The following CLNK variants were observed in gnomAD, a reference collection of about 807,000 sequenced individuals.
CLNK encodes cytokine-dependent hematopoietic cell linker.
CLNK carries 74 observed loss-of-function variants against 68.6 expected under a neutral mutation model. The observed-to-expected ratio is 1.08, with a 90% CI of 0.89 to 1.31. CLNK has a LOEUF of 1.31. Ranked by LOEUF, CLNK falls within the 50% of genes most tolerant of loss-of-function variation. The pLI, the probability that CLNK is intolerant of heterozygous loss-of-function variation, is 0.00. For missense variants in CLNK, 553 were observed against 515.3 expected (o/e 1.07, Z -0.71); for synonymous variants, 198 against 172.2 (o/e 1.15, Z -1.17).
intron 18 of CLNK, among the ~76,000 whole-genome samples, chr4:10,494,377 A>G (rs918022425): frequency 2.0e-5 from 3 of 152,198 alleles, no homozygotes; most frequent in Non-Finnish European, 2.9e-5. Context: ...AATCTGCTAC[A>G]TGGATGACAT....
At chr4:10,552,871 A>G (rs563626449) in intron 8 of CLNK, among the ~76,000 whole-genome samples, 1 of 152,316 alleles carries the variant, frequency 6.6e-6, no homozygotes, top group East Asian at 1.9e-4. Flanking sequence ...TTCATCCTGC[A>G]TTATAATCTT....
chr4:10,663,646 A>G (rs1055355268), intron 2 of CLNK, among the ~76,000 whole-genome samples: 2 of 152,210 alleles, frequency 1.3e-5, no homozygotes, highest in African/African-American at 2.4e-5. Flanking sequence ...ACATGTACAT[A>G]TACAATATAT....
intron 3 of CLNK, among the ~76,000 whole-genome samples, chr4:10,586,561 C>T (rs1023993667): frequency 2.0e-5 from 3 of 152,064 alleles, no homozygotes; most frequent in African/African-American, 7.2e-5. Context: ...GATCCACCCA[C>T]CTCGGCCTCC....
intron 8 of CLNK, among the ~76,000 whole-genome samples, chr4:10,543,007 A>C (rs16869696): frequency 0.039 from 5,949 of 152,202 alleles, 343 homozygotes; most frequent in African/African-American, 0.13. Flanking sequence ...GCACTGGGGA[A>C]AAAAGACAAA....
chr4:10,616,736 T>G (rs1722240290), intron 2 of CLNK, among the ~76,000 whole-genome samples: 2 of 151,034 alleles, frequency 1.3e-5, no homozygotes, highest in Non-Finnish European at 1.5e-5. Context: ...ACTATACAAC[T>G]TTTATACCAG....
chr4:10,732,008 A>C, the CLNK span, among the ~76,000 whole-genome samples: 1 of 152,226 alleles, frequency 6.6e-6, no homozygotes, highest in African/African-American at 2.4e-5. Context: ...GGCTGATTTC[A>C]AGCAATCAAT....
chr4:10,637,210 GCAAATAGTTC>G (rs1723124669), intron 2 of CLNK, among the ~76,000 whole-genome samples: 1 of 152,192 alleles, frequency 6.6e-6, no homozygotes, highest in Admixed American at 6.5e-5. Context: ...GCAAGGCCAT[GCAAATAGTTC>G]CAGACAATGG....
chr4:10,723,919 A>AGAGAGAGAGAGAGCG, the CLNK span, among the ~76,000 whole-genome samples: 1 of 148,032 alleles, frequency 6.8e-6, no homozygotes. Flanking sequence ...AGAGAGAGAG[A>AGAGAGAGAGAGAGCG]AGGCAGGGCA....
intron 13 of CLNK, among the ~76,000 whole-genome samples, chr4:10,527,810 G>C (rs534930629): frequency 6.6e-6 from 1 of 152,320 alleles, no homozygotes; most frequent in South Asian, 2.1e-4. Flanking sequence ...GAGGGTGACA[G>C]TGTAATGCCT....
rs78276689 is a variant in CLNK at position 10,665,783 on chromosome 4, G to T, written c.11+2076C>A. 2.5e-3 allele frequency among the ~76,000 whole-genome samples: 381 copies of T among 152,164 alleles called. 3 individuals are homozygous for T. Among genetic ancestry groups the T allele is most frequent in the Middle Eastern group, 0.01 (3 of 294 alleles). ...AGACATTTCAAAGCCATCCCACGTT[G>T]CCCCTGAAGAGGGGAGTGAGTGTGA... is the stretch of plus-strand genomic sequence containing the variant. On this transcript the variant is annotated intron_variant, in intron 2 of 18. Coordinates refer to ENST00000226951, the MANE Select transcript of CLNK (RefSeq NM_052964.4).
Position 10,548,862 on chromosome 4 carries a change from T to A in CLNK, c.446-6582A>T, listed in dbSNP as rs943700118. On this transcript the variant is annotated intron_variant, in intron 8 of 18. Transcript: ENST00000226951. Reference sequence around the variant, plus strand: ...ATGCATTTATTTCTGGGCTCTGCACTCTGCCTTACTTGTGTGCATGTTTGG... The same window carrying A: ...ATGCATTTATTTCTGGGCTCTGCACACTGCCTTACTTGTGTGCATGTTTGG... Among the ~76,000 whole-genome samples the A allele has an allele frequency of 1.1e-4, 17 of 152,358 alleles. No homozygotes were observed. In the East Asian group the frequency reaches 1.3e-3, roughly 12 times the overall value.
At position 10,532,781 on chromosome 4, in the gene CLNK, G is replaced by A. The variant is rs181691789; in HGVS notation, c.603-498C>T. Among the ~76,000 whole-genome samples the A allele has an allele frequency of 5.0e-4, 76 of 152,264 alleles. No individual in the cohort carries two copies. In the South Asian group the frequency reaches 6.8e-3, roughly 14 times the overall value. ...CAGGAGAAAAACATAAAATTGAATG[G>A]TAGAGAAAAAATCCAACATGGAATT... On this transcript the variant is annotated intron_variant, in intron 11 of 18. Coordinates refer to ENST00000226951, the MANE Select transcript of CLNK (RefSeq NM_052964.4).
intron 11 of CLNK, among the ~76,000 whole-genome samples, chr4:10,540,273 G>A (rs1379195683): frequency 8.5e-5 from 13 of 152,188 alleles, no homozygotes; most frequent in Admixed American, 7.9e-4. Flanking sequence ...CACCATGATT[G>A]TAAGTTTCGT....
the CLNK span, among the ~76,000 whole-genome samples, chr4:10,712,294 T>C: frequency 6.6e-6 from 1 of 152,068 alleles, no homozygotes; most frequent in Non-Finnish European, 1.5e-5. Flanking sequence ...TCCCCTGCAG[T>C]GGAGTATATG....
the CLNK span, among the ~76,000 whole-genome samples, chr4:10,728,644 C>T: frequency 6.8e-6 from 1 of 146,676 alleles, no homozygotes; most frequent in Non-Finnish European, 1.5e-5. Flanking sequence ...CCATCTGTCA[C>T]CCAGGCTGGA....
intron 15 of CLNK, among the ~76,000 whole-genome samples, chr4:10,515,723 C>T (rs1244153284): frequency 6.6e-6 from 1 of 152,156 alleles, no homozygotes; most frequent in East Asian, 1.9e-4. Flanking sequence ...CACTTTTCTA[C>T]TGTGGTGGGT....
intron 12 of CLNK, 136 bp downstream of exon 12, chr4:10,532,120 G>C (rs1718567966): frequency 1.1e-5 from 8 of 732,642 alleles, no homozygotes; most frequent in Non-Finnish European, 1.5e-5. Context: ...TTAAAATAGA[G>C]ATACTAATGC....
rs147609684 is a variant in CLNK at position 10,607,957 on chromosome 4, C to A, written c.12-9908G>T. On this transcript the variant is annotated intron_variant, in intron 2 of 18. Transcript: ENST00000226951. ...GGATAATCATGAAAAATATCCTGAG[C>A]AATTTACTGTACCTGTGTTAAACAG... 1.3e-4 allele frequency among the ~76,000 whole-genome samples: 20 copies of A among 152,262 alleles called. No homozygotes were observed. The East Asian group carries it at 3.9e-3, about 29-fold the overall frequency.
chr4:10,622,738 G>A (rs1380094143), intron 2 of CLNK, among the ~76,000 whole-genome samples: 1 of 152,088 alleles, frequency 6.6e-6, no homozygotes, highest in East Asian at 1.9e-4. Flanking sequence ...AGTCAGCTTG[G>A]GCTGCTATAA....
Sources: gnomAD v4.1 joint callset for allele counts (sites outside exome capture counted in the v4.1 genomes callset) on GRCh38, gnomAD v4.1.1 for gene constraint, MANE v1.5 for transcripts, NCBI Gene and HGNC (gene_info 2026-07-23, HGNC 2026-07-21) for gene names.